The following IL15 variants were observed in gnomAD, a reference collection of about 807,000 sequenced individuals.
IL15 encodes interleukin 15.
In IL15, 11 loss-of-function variants were observed where a neutral mutation model predicts 19.6. That is an observed-to-expected ratio of 0.56 (90% CI 0.35 to 0.93). The LOEUF (loss-of-function observed/expected upper bound fraction) is 0.93. IL15 is among the 40% of genes least tolerant of loss of function. The probability of loss-of-function intolerance (pLI) is 0.01; values close to 1 mark genes in which losing one functional copy is unlikely to be tolerated. For missense variants in IL15, 197 were observed against 186.5 expected (o/e 1.06, Z -0.33); for synonymous variants, 58 against 59.6 (o/e 0.97, Z 0.12).
At chr4:141,710,374 C>T (rs1873822) in intron 2 of IL15, among the ~76,000 whole-genome samples, 73,467 of 152,024 alleles carry the variant, frequency 0.48, 17,788 homozygotes, top group South Asian at 0.59. Flanking sequence ...GTACTTCTCA[C>T]TTGAGTTCTA....
At chr4:141,689,040 G>C (rs1728805603) in intron 2 of IL15, 1 of 154,352 alleles carries the variant, frequency 6.5e-6, no homozygotes, top group African/African-American at 2.4e-5. Context: ...TTCGCGGTGA[G>C]TGTTACAGCT....
At chr4:141,644,194 C>T (rs1727145712) in intron 1 of IL15, among the ~76,000 whole-genome samples, 2 of 151,820 alleles carry the variant, frequency 1.3e-5, no homozygotes, top group South Asian at 4.2e-4. Context: ...GCTGCTTGTC[C>T]CCTTATCTCC....
chr4:141,657,168 G>A (rs951352953), intron 2 of IL15, among the ~76,000 whole-genome samples: 1 of 151,982 alleles, frequency 6.6e-6, no homozygotes, highest in African/African-American at 2.4e-5. Context: ...ACAATGATAA[G>A]TATTTGTGTA....
At chr4:141,655,071 G>A (rs1345813651) in intron 1 of IL15, among the ~76,000 whole-genome samples, 1 of 152,122 alleles carries the variant, frequency 6.6e-6, no homozygotes, top group Admixed American at 6.5e-5. Context: ...TTCCATTTGG[G>A]AATCAGATGG....
At chr4:141,665,393 AT>A (rs1298306531) in intron 2 of IL15, among the ~76,000 whole-genome samples, 1 of 152,064 alleles carries the variant, frequency 6.6e-6, no homozygotes, top group Non-Finnish European at 1.5e-5. Flanking sequence ...ATGACAGTGT[AT>A]TTTATTTTAT....
intron 5 of IL15, among the ~76,000 whole-genome samples, chr4:141,722,568 G>T (rs1730126523): frequency 1.3e-5 from 2 of 152,094 alleles, no homozygotes; most frequent in Non-Finnish European, 2.9e-5. Context: ...TAAAATAGAA[G>T]ATTTAAATAG....
At chr4:141,640,007 T>C (rs1726990973) in intron 1 of IL15, among the ~76,000 whole-genome samples, 1 of 152,210 alleles carries the variant, frequency 6.6e-6, no homozygotes, top group African/African-American at 2.4e-5. Context: ...TGTGCATATA[T>C]GTGTGTGTAT....
intron 2 of IL15, among the ~76,000 whole-genome samples, chr4:141,685,097 T>C (rs959899146): frequency 6.6e-6 from 1 of 152,222 alleles, no homozygotes; most frequent in Non-Finnish European, 1.5e-5. Flanking sequence ...ATTAAACTTC[T>C]GTCATGTACG....
chr4:141,723,514 C>G (rs1233962123), intron 5 of IL15, among the ~76,000 whole-genome samples: 1 of 152,170 alleles, frequency 6.6e-6, no homozygotes, highest in Non-Finnish European at 1.5e-5. Flanking sequence ...CTAGACCCCT[C>G]AGAAGGAACA....
At chr4:141,702,970 G>A (rs149257828) in intron 2 of IL15, among the ~76,000 whole-genome samples, 23 of 152,186 alleles carry the variant, frequency 1.5e-4, no homozygotes, top group African/African-American at 4.3e-4. Flanking sequence ...CAGGCCACTA[G>A]GGTAATGATC....
chr4:141,664,342 A>AACACACACACAC lies in IL15; in HGVS notation c.-100+8073_-100+8084dup, dbSNP rs35153516. Among the ~76,000 whole-genome samples, 193 of 131,010 alleles carry AACACACACACAC rather than the reference A, an allele frequency of 1.5e-3. 1 individual carries two copies. The highest frequency in any genetic ancestry group is 1.9e-3 in the Admixed American group (24 of 12,604). 85.9% of individuals were successfully genotyped at this position (131,010 alleles called of 152,430 possible). A position where few individuals can be genotyped will look rare whatever the true frequency, so the allele number is the denominator to read the frequency against. ...ATTAAAAAAATTCTTTGGTGGGCAAAACACACACACACACACACACACACA... is the reference window on the plus strand; with the variant it reads ...ATTAAAAAAATTCTTTGGTGGGCAAAACACACACACACACACACACACACACACACACACACA... On this transcript the variant is annotated intron_variant, in intron 2 of 7. Coordinates refer to ENST00000320650, the MANE Select transcript of IL15 (RefSeq NM_000585.5).
intron 2 of IL15, among the ~76,000 whole-genome samples, chr4:141,696,023 C>G (rs1729080756): frequency 6.6e-6 from 1 of 151,892 alleles, no homozygotes; most frequent in Non-Finnish European, 1.5e-5. Flanking sequence ...TTATCTTTGC[C>G]AAGCCAAATG....
intron 1 of IL15, among the ~76,000 whole-genome samples, chr4:141,643,955 T>TA (rs1295886930): frequency 6.6e-6 from 1 of 151,848 alleles, no homozygotes; most frequent in Non-Finnish European, 1.5e-5. Context: ...TTCCTCATCT[T>TA]ACCTGATGTC....
chr4:141,655,265 A>G (rs1727550685), intron 1 of IL15, among the ~76,000 whole-genome samples: 1 of 152,076 alleles, frequency 6.6e-6, no homozygotes, highest in Non-Finnish European at 1.5e-5. Flanking sequence ...CATAAAGAGG[A>G]TGGAAAACAT....
chr4:141,659,408 G>A (rs535025722), intron 2 of IL15, among the ~76,000 whole-genome samples: 2 of 150,974 alleles, frequency 1.3e-5, no homozygotes, highest in East Asian at 4.0e-4. Flanking sequence ...TCACCATGTT[G>A]GTCAGGCTGG....
At chr4:141,647,380 T>C (rs1275808032) in intron 1 of IL15, among the ~76,000 whole-genome samples, 1 of 152,108 alleles carries the variant, frequency 6.6e-6, no homozygotes, top group African/African-American at 2.4e-5. Context: ...AAATGTCCTG[T>C]AAGTGATTAG....
intron 1 of IL15, among the ~76,000 whole-genome samples, chr4:141,642,351 G>A (rs1171903069): frequency 6.6e-6 from 1 of 152,142 alleles, no homozygotes; most frequent in Non-Finnish European, 1.5e-5. Flanking sequence ...TCTTGAAATT[G>A]GTTCCTTTAG....
chr4:141,674,736 A>T (rs190608077), intron 2 of IL15, among the ~76,000 whole-genome samples: 85 of 152,354 alleles, frequency 5.6e-4, no homozygotes, highest in Admixed American at 1.1e-3. Flanking sequence ...TATGTATGCA[A>T]TGTGCCTCCT....
intron 2 of IL15, among the ~76,000 whole-genome samples, chr4:141,689,746 A>G (rs1186135460): frequency 2.0e-5 from 3 of 152,204 alleles, no homozygotes; most frequent in Non-Finnish European, 4.4e-5. Context: ...TGAGCTAGAC[A>G]TAAAGCTTCT....
Sources: allele counts gnomAD v4.1 joint callset (sites outside exome capture counted in the v4.1 genomes callset), GRCh38; gene constraint gnomAD v4.1.1; transcripts MANE v1.5; gene names NCBI Gene and HGNC (gene_info 2026-07-23, HGNC 2026-07-21).